Variants in CHD2 observed in about 807,000 individuals in gnomAD.
CHD2 encodes chromodomain helicase DNA binding protein 2.
Under a neutral mutation model 243.9 loss-of-function variants are expected in CHD2, and 28 were observed. The ratio of observed to expected loss-of-function variants is 0.11; its 90% CI spans 0.09 to 0.16. The LOEUF (loss-of-function observed/expected upper bound fraction) is 0.16. CHD2 is among the 10% of genes least tolerant of loss of function. The pLI, the probability that CHD2 is intolerant of heterozygous loss-of-function variation, is 1.00. For synonymous variants in CHD2, 775 were observed against 779.0 expected (o/e 0.99, Z 0.09); for missense variants, 1,386 against 2,209.8 (o/e 0.63, Z 7.47).
intron 37 of CHD2, among the ~76,000 whole-genome samples, chr15:93,015,223 T>C (rs1392457564): frequency 2.0e-5 from 3 of 152,086 alleles, no homozygotes; most frequent in Non-Finnish European, 4.4e-5. Flanking sequence ...GGATTACAGA[T>C]GTGCACCACC....
At chr15:93,014,067 C>T (rs1033216375) in intron 36 of CHD2, among the ~76,000 whole-genome samples, 3 of 150,044 alleles carry the variant, frequency 2.0e-5, no homozygotes, top group Non-Finnish European at 4.4e-5. Flanking sequence ...AAGATTTTCA[C>T]AATACATGAA....
At chr15:92,960,937 C>T (rs909412947) in intron 16 of CHD2, among the ~76,000 whole-genome samples, 6 of 151,794 alleles carry the variant, frequency 4.0e-5, no homozygotes, top group South Asian at 4.2e-4. Context: ...AGGTTGGTCT[C>T]GAACTCCTGG....
chr15:92,988,610 C>T (rs2054075625), intron 26 of CHD2, among the ~76,000 whole-genome samples: 2 of 152,168 alleles, frequency 1.3e-5, no homozygotes, highest in Non-Finnish European at 2.9e-5. Flanking sequence ...GCTTAGCTCG[C>T]ACTGTTAATT....
intron 24 of CHD2, 68 bp downstream of exon 24, chr15:92,981,525 G>A (rs2053980049): frequency 5.6e-6 from 7 of 1,260,544 alleles, no homozygotes; most frequent in Admixed American, 1.9e-5. Flanking sequence ...GTTTATGAAC[G>A]CTTTCTTTGT....
In CHD2 at chr15:93,004,656, C is replaced by T; in HGVS notation, c.4318C>T (p.Arg1440Ter). Reference protein sequence around the residue: ...GDAKSSSKSKRSQGPVHITAG... With the variant: ...GDAKSSSKSK ...TGCCAAATCTTCGAGTAAATCAAAG[C>T]GATCTCAGGGTCCTGTCCATATTAC... The change falls in exon 34 of 39, where the codon CGA (arginine) becomes TGA (stop). Residue 1440 changes from arginine (R) to a stop codon, truncating the protein, a stop_gained. Transcript: ENST00000394196. LOFTEE classifies it high-confidence loss of function. 6.2e-7 allele frequency: 1 copy of T among 1,612,642 alleles called. No individual in the cohort carries two copies. The highest frequency in any genetic ancestry group is 8.5e-7 in the Non-Finnish European group (1 of 1,179,162).
intron 33 of CHD2, among the ~76,000 whole-genome samples, chr15:93,003,677 C>T (rs1262773887): frequency 6.6e-6 from 1 of 151,878 alleles, no homozygotes; most frequent in Non-Finnish European, 1.5e-5. Flanking sequence ...CCCCTGTTCC[C>T]TTTCCCTGAT....
At position 92,998,346 on chromosome 15, in the gene CHD2, C is replaced by T; in HGVS notation, c.3886-153C>T. ...GTGAGGGATTTTCAGTGACTGGGAG[C>T]CATGGACATGAGATAGGATCTGAGG... On this transcript the variant is annotated intron_variant, in intron 30 of 38. Transcript: ENST00000394196. The surrounding 1 kb of genome is among the most constrained non-coding windows in gnomAD (Gnocchi z 5.1). 7.3e-7 allele frequency: 1 copy of T among 1,369,488 alleles called. No individual in the cohort carries two copies. The highest frequency in any genetic ancestry group is 2.6e-5 in the Admixed American group (1 of 38,786). The allele number at this position is 1,369,488 out of a possible 1,614,324, so 84.8% of individuals were successfully genotyped here. A position where few individuals can be genotyped will look rare whatever the true frequency, so the allele number is the denominator to read the frequency against.
intron 2 of CHD2, among the ~76,000 whole-genome samples, chr15:92,913,705 A>G (rs1018233120): frequency 1.3e-5 from 2 of 152,174 alleles, no homozygotes; most frequent in Non-Finnish European, 2.9e-5. Context: ...TGTAAAAATT[A>G]GCCGGGTGTG....
intron 9 of CHD2, chr15:92,944,155 T>G (rs888732279): frequency 4.3e-6 from 1 of 233,602 alleles, no homozygotes; most frequent in Non-Finnish European, 8.4e-6. Flanking sequence ...TTTGGGTCTC[T>G]TTTTAGACAG....
intron 27 of CHD2, 33 bp downstream of exon 27, chr15:92,991,550 C>CT: frequency 6.6e-7 from 1 of 1,524,058 alleles, no homozygotes; most frequent in South Asian, 1.2e-5. Flanking sequence ...TTATCTTCCT[C>CT]TTTTTTGCTT....
intron 19 of CHD2, 31 bp downstream of exon 19, chr15:92,972,448 G>T (rs375878245): frequency 6.5e-7 from 1 of 1,548,894 alleles, no homozygotes; most frequent in African/African-American, 1.4e-5. Context: ...GCTGTGGGGG[G>T]AATCAATCTC....
At chr15:92,958,410 A>G (rs1437292329) in intron 16 of CHD2, among the ~76,000 whole-genome samples, 4 of 152,160 alleles carry the variant, frequency 2.6e-5, no homozygotes, top group Non-Finnish European at 4.4e-5. Flanking sequence ...TGAAATTTCT[A>G]TTCAAATGTT....
At chr15:93,014,992 C>G in intron 37 of CHD2, 83 bp downstream of exon 37, 2 of 1,076,240 alleles carry the variant, frequency 1.9e-6, no homozygotes, top group Admixed American at 3.7e-5. Context: ...AAGACACTGG[C>G]TAGACTTCTG....
intron 20 of CHD2, 150 bp from the exon 21 acceptor site, chr15:92,978,084 C>T: frequency 1.2e-6 from 1 of 842,690 alleles, no homozygotes. Flanking sequence ...CCATCAAGTC[C>T]CTGACATTCT....
rs765768233 is a variant in CHD2, at chr15:92,996,938, T to C, written c.3596-19T>C. On this transcript the variant is annotated intron_variant, in intron 28 of 38. Coordinates refer to ENST00000394196, the MANE Select transcript of CHD2 (RefSeq NM_001271.4). ...TCTGCAGATTTTCATTTAACTAATG[T>C]GAAACTGGTATTTTTCAGGAAAAGG... 2.5e-6 allele frequency: 4 copies of C among 1,594,416 alleles called. No homozygotes were observed. Among genetic ancestry groups the C allele is most frequent in the East Asian group, 4.5e-5 (2 of 44,792 alleles).
At chr15:92,967,618 C>CA in intron 17 of CHD2, 105 bp downstream of exon 17, 1 of 693,422 alleles carries the variant, frequency 1.4e-6, no homozygotes, top group Non-Finnish European at 2.1e-6. Flanking sequence ...TTTTTGGAGA[C>CA]AGAGTCTCGC....
intron 24 of CHD2, among the ~76,000 whole-genome samples, chr15:92,982,874 A>G (rs1339285970): frequency 6.6e-6 from 1 of 152,176 alleles, no homozygotes; most frequent in Non-Finnish European, 1.5e-5. Flanking sequence ...TGTTCGTCAT[A>G]GTCGGTTTGG....
chr15:92,964,290 ATTG>A (rs1209950221), intron 16 of CHD2, among the ~76,000 whole-genome samples: 4 of 152,206 alleles, frequency 2.6e-5, no homozygotes, highest in African/African-American at 9.6e-5. Context: ...AAGTTTCAAA[ATTG>A]TTGTTCACAA....
intron 21 of CHD2, 140 bp downstream of exon 21, chr15:92,978,523 T>A: frequency 3.5e-6 from 3 of 847,030 alleles, no homozygotes; most frequent in Non-Finnish European, 5.4e-6. Context: ...GTTTGTTAAC[T>A]AGCACAGAGA....
Sources: gnomAD v4.1 joint callset for allele counts (sites outside exome capture counted in the v4.1 genomes callset) on GRCh38, gnomAD v4.1.1 for gene constraint, Gnocchi (gnomAD v3.1) non-coding constraint, MANE v1.5 for transcripts, NCBI Gene and HGNC (gene_info 2026-07-23, HGNC 2026-07-21) for gene names.